HORMAD2: variants seen among roughly 807,000 people sequenced by gnomAD.
HORMAD2 encodes HORMA domain containing 2, also known as HORMA domain-containing protein 2.
HORMAD2 carries 45 observed loss-of-function variants against 38.8 expected under a neutral mutation model. The observed-to-expected ratio is 1.16, with a 90% CI of 0.91 to 1.49. HORMAD2 has a LOEUF of 1.49. Ranked by LOEUF, HORMAD2 falls within the 40% of genes most tolerant of loss-of-function variation. The pLI is 0.00. For missense variants in HORMAD2, 338 were observed against 367.0 expected, an observed-to-expected ratio of 0.92 and a Z score of 0.65; for synonymous variants, 126 against 122.8, an observed-to-expected ratio of 1.03 and a Z score of -0.17.
chr22:30,081,607 G>A (rs1021950127), intron 1 of HORMAD2, among the ~76,000 whole-genome samples: 1 of 150,878 alleles, frequency 6.6e-6, no homozygotes, highest in Non-Finnish European at 1.5e-5. Flanking sequence ...AGATGGAGTC[G>A]AGCTCTGTGC....
At chr22:30,083,947 A>G (rs950942721) in intron 1 of HORMAD2, among the ~76,000 whole-genome samples, 4 of 152,248 alleles carry the variant, frequency 2.6e-5, no homozygotes, top group Non-Finnish European at 4.4e-5. Context: ...CATATTAGAT[A>G]GAATGAAAGC....
At chr22:30,101,645 G>A (rs1920946207) in intron 3 of HORMAD2, among the ~76,000 whole-genome samples, 1 of 151,398 alleles carries the variant, frequency 6.6e-6, no homozygotes. Context: ...AATAGGAACT[G>A]TCATTTGGAA....
At chr22:30,193,735 C>T in the HORMAD2 span, among the ~76,000 whole-genome samples, 5 of 152,210 alleles carry the variant, frequency 3.3e-5, no homozygotes, top group African/African-American at 1.2e-4. Context: ...CCTTCCATAG[C>T]GATAGGGCTT....
At chr22:30,090,813 GGTCAA>G in intron 1 of HORMAD2, among the ~76,000 whole-genome samples, 1 of 152,232 alleles carries the variant, frequency 6.6e-6, no homozygotes, top group East Asian at 1.9e-4. Flanking sequence ...AATATGTAAT[GGTCAA>G]GTCAAAGCAT....
At chr22:30,188,846 G>A in the HORMAD2 span, among the ~76,000 whole-genome samples, 1 of 152,110 alleles carries the variant, frequency 6.6e-6, no homozygotes, top group Non-Finnish European at 1.5e-5. Flanking sequence ...TTTTAAAAAT[G>A]AAATTTGGGC....
At chr22:30,196,166 T>G in the HORMAD2 span, among the ~76,000 whole-genome samples, 3 of 152,216 alleles carry the variant, frequency 2.0e-5, no homozygotes, top group Non-Finnish European at 4.4e-5. Context: ...TCAACTGAAA[T>G]AATACACATT....
the HORMAD2 span, among the ~76,000 whole-genome samples, chr22:30,186,546 T>C: frequency 1.3e-5 from 2 of 152,164 alleles, no homozygotes; most frequent in African/African-American, 2.4e-5. Flanking sequence ...GGGTTTGCTT[T>C]TGTGTGAAGA....
chr22:30,196,499 G>A, the HORMAD2 span, among the ~76,000 whole-genome samples: 1 of 152,210 alleles, frequency 6.6e-6, no homozygotes, highest in Non-Finnish European at 1.5e-5. Flanking sequence ...GGTGGCCAGC[G>A]TCAGCGTTTG....
intron 10 of HORMAD2, among the ~76,000 whole-genome samples, chr22:30,164,823 G>A (rs1461903384): frequency 6.6e-6 from 1 of 152,154 alleles, no homozygotes; most frequent in East Asian, 1.9e-4. Context: ...TTGTTGAGTT[G>A]TAGGAATGCT....
intron 10 of HORMAD2, among the ~76,000 whole-genome samples, chr22:30,150,332 C>A (rs540759377): frequency 1.3e-5 from 2 of 152,100 alleles, no homozygotes; most frequent in Non-Finnish European, 1.5e-5. Flanking sequence ...CATTTCCAAG[C>A]GCTTGTTGTT....
intron 10 of HORMAD2, among the ~76,000 whole-genome samples, chr22:30,143,427 T>C (rs1157967806): frequency 6.6e-6 from 1 of 152,206 alleles, no homozygotes; most frequent in Non-Finnish European, 1.5e-5. Context: ...TTTAAAGATA[T>C]CTTTGCTGAA....
chr22:30,115,982 C>T (rs1369157900), intron 7 of HORMAD2, among the ~76,000 whole-genome samples: 2 of 152,162 alleles, frequency 1.3e-5, no homozygotes, highest in African/African-American at 2.4e-5. Context: ...GGCGTCAAAT[C>T]GCAGTTCTAC....
At chr22:30,153,763 A>C (rs1324620340) in intron 10 of HORMAD2, among the ~76,000 whole-genome samples, 1 of 152,214 alleles carries the variant, frequency 6.6e-6, no homozygotes. Flanking sequence ...AGTAAACGAC[A>C]CTATCATTTA....
chr22:30,152,905 T>A (rs535792804), intron 10 of HORMAD2, among the ~76,000 whole-genome samples: 12 of 152,190 alleles, frequency 7.9e-5, no homozygotes, highest in Non-Finnish European at 1.6e-4. Flanking sequence ...CTTCCATATG[T>A]GTTATCTTGA....
At chr22:30,112,329 C>T (rs1287891040) in intron 6 of HORMAD2, among the ~76,000 whole-genome samples, 167 bp from the exon 7 acceptor site, 3 of 152,042 alleles carry the variant, frequency 2.0e-5, no homozygotes, top group Non-Finnish European at 2.9e-5. Flanking sequence ...ACAGAATATT[C>T]TAAAGACTCT....
chr22:30,185,821 C>A, the HORMAD2 span, among the ~76,000 whole-genome samples: 2 of 151,456 alleles, frequency 1.3e-5, no homozygotes, highest in Non-Finnish European at 2.9e-5. Flanking sequence ...ATAGAAGAAC[C>A]TCTGCTGTAA....
chr22:30,119,838 A>C (rs376267264), intron 8 of HORMAD2, among the ~76,000 whole-genome samples: 2 of 152,302 alleles, frequency 1.3e-5, no homozygotes, highest in South Asian at 2.1e-4. Flanking sequence ...ATCATTTGCC[A>C]TGAGCTTGAG....
intron 1 of HORMAD2, among the ~76,000 whole-genome samples, chr22:30,082,512 G>A (rs979199879): frequency 7.9e-5 from 12 of 152,096 alleles, no homozygotes; most frequent in Middle Eastern, 3.4e-3. Flanking sequence ...AATTGAAGGC[G>A]TGGTGTGGTG....
chr22:30,131,027 C>A (rs775456600), intron 10 of HORMAD2, among the ~76,000 whole-genome samples: 25 of 152,032 alleles, frequency 1.6e-4, no homozygotes, highest in Non-Finnish European at 3.4e-4. Flanking sequence ...GGGCAGATAG[C>A]AGTAGACATA....
Sources: allele counts gnomAD v4.1 joint callset (sites outside exome capture counted in the v4.1 genomes callset), GRCh38; gene constraint gnomAD v4.1.1; transcripts MANE v1.5; gene names NCBI Gene and HGNC (gene_info 2026-07-23, HGNC 2026-07-21).